Variants in SEMA3A observed in about 807,000 individuals in gnomAD.
SEMA3A encodes the protein semaphorin 3A.
Under a neutral mutation model 97.9 loss-of-function variants are expected in SEMA3A, and 29 were observed. The ratio of observed to expected loss-of-function variants is 0.30; its 90% CI spans 0.22 to 0.40. The LOEUF is 0.40. Among genes scored for constraint, SEMA3A ranks in the 10% least tolerant of loss-of-function variants. The pLI, the probability that SEMA3A is intolerant of heterozygous loss-of-function variation, is 1.00. For synonymous variants in SEMA3A, 321 were observed against 323.7 expected (o/e 0.99, Z 0.09); for missense variants, 763 against 951.3 (o/e 0.80, Z 2.60).
intron 2 of SEMA3A, among the ~76,000 whole-genome samples, chr7:84,360,070 T>C (rs914723977): frequency 1.1e-4 from 16 of 151,582 alleles, no homozygotes; most frequent in African/African-American, 3.4e-4. Flanking sequence ...TCAATTTTGT[T>C]GATCTTTTCA....
At chr7:84,050,429 T>A (rs1792571634) in intron 5 of SEMA3A, among the ~76,000 whole-genome samples, 1 of 152,038 alleles carries the variant, frequency 6.6e-6, no homozygotes, top group Admixed American at 6.6e-5. Flanking sequence ...TATCTCATTG[T>A]GATTTTGCTT....
chr7:84,391,470 G>C (rs1192061475), intron 1 of SEMA3A, among the ~76,000 whole-genome samples: 2 of 152,076 alleles, frequency 1.3e-5, no homozygotes, highest in African/African-American at 4.8e-5. Context: ...ATGTGGATGG[G>C]AAGGAAAATA....
chr7:84,469,810 C>A (rs368982522), intron 1 of SEMA3A, among the ~76,000 whole-genome samples: 9 of 151,898 alleles, frequency 5.9e-5, no homozygotes, highest in African/African-American at 2.2e-4. Flanking sequence ...CGTGATAAAT[C>A]TATTGTAATT....
intron 2 of SEMA3A, among the ~76,000 whole-genome samples, chr7:84,339,450 A>T: frequency 6.6e-6 from 1 of 152,142 alleles, no homozygotes; most frequent in Admixed American, 6.6e-5. Flanking sequence ...GCTGCACTTG[A>T]AGCTTAAGGG....
chr7:84,206,119 C>G (rs1211394270), intron 3 of SEMA3A, among the ~76,000 whole-genome samples: 1 of 152,100 alleles, frequency 6.6e-6, no homozygotes, highest in Non-Finnish European at 1.5e-5. Context: ...ATCATATTGC[C>G]TTTCCCTCAT....
chr7:84,182,594 T>C (rs374690132), intron 1 of SEMA3A, among the ~76,000 whole-genome samples: 1 of 150,846 alleles, frequency 6.6e-6, no homozygotes. Flanking sequence ...AGGTCTCCTT[T>C]CATCCTCACA....
At chr7:84,476,273 C>T (rs1382907844) in intron 1 of SEMA3A, among the ~76,000 whole-genome samples, 1 of 151,368 alleles carries the variant, frequency 6.6e-6, no homozygotes, top group Non-Finnish European at 1.5e-5. Flanking sequence ...GCAGGAGAAT[C>T]GCTTCAACCC....
chr7:83,972,864 A>G (rs922258738), intron 15 of SEMA3A, among the ~76,000 whole-genome samples: 1 of 152,138 alleles, frequency 6.6e-6, no homozygotes, highest in Non-Finnish European at 1.5e-5. Context: ...AATATGAATA[A>G]TTAGACTTTT....
At chr7:83,979,375 G>A (rs56079403) in intron 14 of SEMA3A, among the ~76,000 whole-genome samples, 5,980 of 152,066 alleles carry the variant, frequency 0.039, 200 homozygotes, top group Middle Eastern at 0.12. Flanking sequence ...ATCGTGAGCC[G>A]CCTGCCTTGG....
chr7:84,286,094 T>C (rs1800582468), intron 3 of SEMA3A, among the ~76,000 whole-genome samples: 1 of 152,110 alleles, frequency 6.6e-6, no homozygotes, highest in African/African-American at 2.4e-5. Context: ...ACTGAAGTCT[T>C]GACAGGTTCA....
chr7:84,303,763 C>G (rs1801083986), intron 3 of SEMA3A, among the ~76,000 whole-genome samples: 1 of 151,998 alleles, frequency 6.6e-6, no homozygotes, highest in African/African-American at 2.4e-5. Flanking sequence ...TATAAAATAG[C>G]TTTGTGTTAG....
intron 3 of SEMA3A, among the ~76,000 whole-genome samples, chr7:84,266,882 T>G (rs1800019162): frequency 6.6e-6 from 1 of 152,198 alleles, no homozygotes; most frequent in African/African-American, 2.4e-5. Context: ...TTATCATTAT[T>G]ATAGACACAA....
intron 2 of SEMA3A, among the ~76,000 whole-genome samples, chr7:84,331,373 A>G (rs1801905306): frequency 6.6e-6 from 1 of 152,098 alleles, no homozygotes; most frequent in Non-Finnish European, 1.5e-5. Context: ...TTTAATCCCA[A>G]CCCATAATTT....
At chr7:84,442,907 A>C (rs1201766655) in intron 1 of SEMA3A, among the ~76,000 whole-genome samples, 2 of 152,174 alleles carry the variant, frequency 1.3e-5, no homozygotes, top group Non-Finnish European at 2.9e-5. Flanking sequence ...AGTTTCAATA[A>C]AACATAAAGC....
At chr7:84,109,919 T>A (rs1044315141) in intron 4 of SEMA3A, among the ~76,000 whole-genome samples, 1 of 152,204 alleles carries the variant, frequency 6.6e-6, no homozygotes, top group Non-Finnish European at 1.5e-5. Flanking sequence ...TTACAAGGAA[T>A]AGACAGATTT....
In SEMA3A at chr7:84,005,328, T is replaced by A. The variant is rs925829069; in HGVS notation, c.1360+11A>T. On this transcript the variant is annotated intron_variant, in intron 11 of 16. Transcript: ENST00000265362. ...CGGAAAAAAGTTTACAGCTGAAATT[T>A]AAAAATTTACCTGTTCCGATAAACA... 31 of 1,600,936 alleles carry A rather than the reference T, an allele frequency of 1.9e-5. No individual in the cohort carries two copies. Among genetic ancestry groups the A allele is most frequent in the Non-Finnish European group, 2.6e-5 (30 of 1,168,330 alleles).
intron 3 of SEMA3A, among the ~76,000 whole-genome samples, chr7:84,125,090 C>T (rs962140379): frequency 1.2e-4 from 18 of 151,856 alleles, no homozygotes; most frequent in African/African-American, 4.1e-4. Context: ...CTATATAAAT[C>T]ATAATGGAGA....
chr7:84,045,460 T>A (rs1406210353), intron 6 of SEMA3A, among the ~76,000 whole-genome samples: 1 of 151,614 alleles, frequency 6.6e-6, no homozygotes, highest in African/African-American at 2.4e-5. Flanking sequence ...AAAACAACCA[T>A]GATTAATATA....
intron 3 of SEMA3A, among the ~76,000 whole-genome samples, chr7:84,287,548 A>G (rs985527743): frequency 1.3e-5 from 2 of 152,158 alleles, no homozygotes; most frequent in African/African-American, 4.8e-5. Flanking sequence ...ACAAATTTTC[A>G]CTTTACTAAA....
Sources: allele counts gnomAD v4.1 joint callset (sites outside exome capture counted in the v4.1 genomes callset), GRCh38; gene constraint gnomAD v4.1.1; transcripts MANE v1.5; gene names NCBI Gene and HGNC (gene_info 2026-07-23, HGNC 2026-07-21).